The following EYS variants were observed in gnomAD, a reference collection of about 807,000 sequenced individuals.
The protein encoded by EYS is protein eyes shut homolog.
EYS carries 250 observed loss-of-function variants against 282.1 expected under a neutral mutation model. That is an observed-to-expected ratio of 0.89 (90% CI 0.80 to 0.98). EYS has a LOEUF of 0.98. Among genes scored for constraint, EYS ranks in the 50% least tolerant of loss-of-function variants. EYS has a pLI of 0.00. For missense variants in EYS, 4,016 were observed against 3,709.0 expected (o/e 1.08, Z -2.15); for synonymous variants, 1,355 against 1,282.9 (o/e 1.06, Z -1.20).
intron 35 of EYS, among the ~76,000 whole-genome samples, chr6:63,892,560 A>G (rs1274812774): frequency 1.3e-5 from 2 of 152,218 alleles, no homozygotes; most frequent in Non-Finnish European, 1.5e-5. Context: ...CCTTCCTTAA[A>G]TCTTATACAA....
intron 26 of EYS, among the ~76,000 whole-genome samples, chr6:64,522,677 G>A: frequency 6.6e-6 from 1 of 151,736 alleles, no homozygotes; most frequent in Non-Finnish European, 1.5e-5. Flanking sequence ...TCTACATTAT[G>A]TAGCTCTGAC....
chr6:64,518,330 A>G (rs1582845065), intron 26 of EYS, among the ~76,000 whole-genome samples: 1 of 151,766 alleles, frequency 6.6e-6, no homozygotes, highest in Middle Eastern at 3.4e-3. Context: ...CTTTTATCCT[A>G]TGGCTGGTCT....
At chr6:65,158,395 T>C (rs776292706) in intron 12 of EYS, among the ~76,000 whole-genome samples, 3 of 150,904 alleles carry the variant, frequency 2.0e-5, no homozygotes, top group Non-Finnish European at 4.5e-5. Context: ...TAATAATCAA[T>C]GATAAAGCTA....
chr6:64,179,083 C>G (rs1582388952), intron 31 of EYS, among the ~76,000 whole-genome samples: 1 of 151,894 alleles, frequency 6.6e-6, no homozygotes, highest in Admixed American at 6.6e-5. Flanking sequence ...TAAAACCAAC[C>G]CAATAATTTT....
chr6:64,031,449 G>T (rs528102098), intron 33 of EYS, among the ~76,000 whole-genome samples: 2 of 152,200 alleles, frequency 1.3e-5, no homozygotes, highest in Non-Finnish European at 2.9e-5. Flanking sequence ...TCCCTGATCA[G>T]GATCGCCCCC....
intron 5 of EYS, among the ~76,000 whole-genome samples, chr6:65,442,659 CAGG>C (rs1768381621): frequency 6.6e-6 from 1 of 151,532 alleles, no homozygotes; most frequent in Non-Finnish European, 1.5e-5. Flanking sequence ...GTGTCTGAGG[CAGG>C]AGAATTGTTT....
intron 28 of EYS, among the ~76,000 whole-genome samples, chr6:64,418,217 C>T (rs1258333054): frequency 6.6e-6 from 1 of 151,942 alleles, no homozygotes; most frequent in African/African-American, 2.4e-5. Context: ...CTACGTAACA[C>T]CTTGTTTAAA....
At chr6:64,376,182 T>A (rs1219346676) in intron 29 of EYS, among the ~76,000 whole-genome samples, 1 of 152,190 alleles carries the variant, frequency 6.6e-6, no homozygotes, top group Non-Finnish European at 1.5e-5. Flanking sequence ...TAGACACAAA[T>A]CTACAGGTTT....
chr6:65,096,886 T>A (rs949449384), intron 12 of EYS, among the ~76,000 whole-genome samples: 6 of 150,994 alleles, frequency 4.0e-5, no homozygotes, highest in Non-Finnish European at 8.9e-5. Flanking sequence ...TTCTTGAAAC[T>A]TTAAAACTCT....
rs561922834 is a variant in EYS, at chr6:64,093,815, T to G, written c.6425-11813A>C. Reference sequence around the variant, plus strand: ...TGTTGAATAGGAGTGGCGAGAGAGGTCATCCCTGTCTTGTGCCGGTTTTCA... The same window carrying G: ...TGTTGAATAGGAGTGGCGAGAGAGGGCATCCCTGTCTTGTGCCGGTTTTCA... On this transcript the variant is annotated intron_variant, in intron 31 of 42. Transcript: ENST00000503581. Among the ~76,000 whole-genome samples, 30 of 152,026 alleles carry G rather than the reference T, an allele frequency of 2.0e-4. 1 individual carries two copies. Among genetic ancestry groups the G allele is most frequent in the East Asian group, 5.8e-4 (3 of 5,172 alleles).
At chr6:64,246,018 CAAAAAAAAA>C (rs60121734) in intron 30 of EYS, among the ~76,000 whole-genome samples, 20 of 56,214 alleles carry the variant, frequency 3.6e-4, no homozygotes, top group East Asian at 1.5e-3. Flanking sequence ...AACTCCGTCT[CAAAAAAAAA>C]AAAAAAAAAA....
chr6:63,753,346 A>T (rs148656117), intron 41 of EYS, among the ~76,000 whole-genome samples: 151 of 151,982 alleles, frequency 9.9e-4, no homozygotes, highest in Non-Finnish European at 1.7e-3. Context: ...TGTGTCATCT[A>T]GGTTTTTAAA....
chr6:65,407,566 T>G (rs1304409959), intron 5 of EYS, among the ~76,000 whole-genome samples: 1 of 152,150 alleles, frequency 6.6e-6, no homozygotes, highest in African/African-American at 2.4e-5. Flanking sequence ...GAAGTATTGT[T>G]TTTAATATAC....
At chr6:64,109,813 T>TA (rs1773148434) in intron 31 of EYS, among the ~76,000 whole-genome samples, 1 of 152,116 alleles carries the variant, frequency 6.6e-6, no homozygotes, top group African/African-American at 2.4e-5. Flanking sequence ...AATAAAACTC[T>TA]TTGATTTTGC....
At chr6:63,769,268 G>C (rs1769873961) in intron 40 of EYS, among the ~76,000 whole-genome samples, 2 of 151,942 alleles carry the variant, frequency 1.3e-5, no homozygotes, top group African/African-American at 4.8e-5. Context: ...TTGAAGGTAA[G>C]AGTAGGTGAT....
intron 18 of EYS, among the ~76,000 whole-genome samples, chr6:64,900,649 A>T (rs539273275): frequency 3.7e-4 from 56 of 152,346 alleles, no homozygotes; most frequent in African/African-American, 1.3e-3. Context: ...ATCACTGGTC[A>T]TTAGAGAAAT....
rs193211661 is a variant in EYS at position 64,336,923 on chromosome 6, C to T, written c.6079-29841G>A. On this transcript the variant is annotated intron_variant, in intron 29 of 42. Coordinates refer to ENST00000503581, the MANE Select transcript of EYS (RefSeq NM_001142800.2). ...GATGGAAATTTAAAAATTCTTCAAA[C>T]TGAACGACAATGACGACACAACCTA... 3.4e-3 allele frequency among the ~76,000 whole-genome samples: 521 copies of T among 152,102 alleles called. 1 individual carries two copies. The highest frequency in any genetic ancestry group is 0.012 in the African/African-American group (498 of 41,530).
At chr6:64,282,289 T>C (rs1485985227) in intron 30 of EYS, among the ~76,000 whole-genome samples, 1 of 152,150 alleles carries the variant, frequency 6.6e-6, no homozygotes, top group East Asian at 1.9e-4. Flanking sequence ...AACATAGATA[T>C]CCATGCAACA....
chr6:64,574,865 T>G (rs1407033062), intron 26 of EYS, among the ~76,000 whole-genome samples: 1 of 152,166 alleles, frequency 6.6e-6, no homozygotes, highest in African/African-American at 2.4e-5. Flanking sequence ...CCTTCAGGTA[T>G]AAATATTAAA....
Sources: gnomAD v4.1 joint callset for allele counts (sites outside exome capture counted in the v4.1 genomes callset) on GRCh38, gnomAD v4.1.1 for gene constraint, MANE v1.5 for transcripts, NCBI Gene and HGNC (gene_info 2026-07-23, HGNC 2026-07-21) for gene names.